The following AP4M1 variants were observed in gnomAD, a reference collection of about 807,000 sequenced individuals.
AP4M1 encodes adaptor related protein complex 4 subunit mu 1.
AP4M1 carries 58 observed loss-of-function variants against 62.4 expected under a neutral mutation model. That is an observed-to-expected ratio of 0.93 (90% CI 0.75 to 1.16). AP4M1 has a LOEUF of 1.16. AP4M1 is among the 50% of genes most tolerant of loss of function. AP4M1 has a pLI of 0.00. For synonymous variants in AP4M1, 290 were observed against 239.7 expected (o/e 1.21, Z -1.94); for missense variants, 626 against 585.4 (o/e 1.07, Z -0.72).
In AP4M1 at chr7:100,102,762, C is replaced by G; in HGVS notation, c.235C>G (p.Leu79Val). Reference protein sequence around the residue: ...TTSENVSPFSLLELLSRLATL... With the variant: ...TTSENVSPFSVLELLSRLATL... ...TTCAGAAAACGTTTCTCCCTTCAGC[C>G]TCCTAGAACTGCTCTCCAGGTGAGG... is the stretch of plus-strand genomic sequence containing the variant. Residue 79 changes from leucine (L) to valine (V), a missense_variant, in exon 3 of 15, where the codon CTC becomes GTC. Leu to Val is a conservative substitution (Grantham distance 32, BLOSUM62 1). Transcript: ENST00000359593. The G allele has an allele frequency of 6.2e-7, 1 of 1,614,102 alleles. No individual in the cohort carries two copies. The highest frequency in any genetic ancestry group is 8.5e-7 in the Non-Finnish European group (1 of 1,179,964).
rs2116667853 is a variant in AP4M1 at position 100,106,235 on chromosome 7, C to G, written c.975-6C>G. On this transcript the variant is annotated splice_polypyrimidine_tract_variant and splice_region_variant and intron_variant, in intron 12 of 14. Coordinates refer to ENST00000359593, the MANE Select transcript of AP4M1 (RefSeq NM_004722.4). ...GGGGCTGACTTTGTTCCCGTCTCCT[C>G]TGTAGCCAAGCCCTCAATGTCAGGC... 7 of 1,614,110 alleles carry G rather than the reference C, an allele frequency of 4.3e-6. No individual in the cohort carries two copies. Among genetic ancestry groups the G allele is most frequent in the Non-Finnish European group, 5.9e-6 (7 of 1,180,016 alleles).
Position 100,105,487 on chromosome 7 carries a change from C to A in AP4M1, c.877C>A (p.Pro293Thr). ...CCAACTCTCCGATGACCTCCCCTCA[C>A]CGCTCCCCTTCCGGCTCTTCCCCTC... ...RYQLSDDLPS[P>T]LPFRLFPSVQ... The change falls in exon 11 of 15, where the codon CCG (proline) becomes ACG (threonine). Residue 293 changes from proline to threonine, a missense_variant. By Grantham distance (38) the Pro-to-Thr change is conservative. Transcript: ENST00000359593. The A allele has an allele frequency of 6.2e-7, 1 of 1,614,098 alleles. No homozygotes were observed. Among genetic ancestry groups the A allele is most frequent in the South Asian group, 1.1e-5 (1 of 91,090 alleles).
At position 100,104,125 on chromosome 7, in the gene AP4M1, G is replaced by A. The variant is rs387906838; in HGVS notation, c.577G>A (p.Glu193Lys). The change falls in exon 7 of 15, where the codon GAG becomes AAG. Residue 193 changes from glutamate (E) to lysine (K), a missense_variant. Physicochemically the swap from Glu to Lys is moderately conservative, Grantham distance 56. Transcript: ENST00000359593. ...GAATGAAGTTTTTTTGGATGTGGTCGAGAGATTGTCTGTACTGATAGCATC... is the reference window on the plus strand; with the variant it reads ...GAATGAAGTTTTTTTGGATGTGGTCAAGAGATTGTCTGTACTGATAGCATC... ...QKNEVFLDVV[E>K]RLSVLIASNG... 14 of 1,613,908 alleles carry A rather than the reference G, an allele frequency of 8.7e-6. No homozygotes were observed. Among genetic ancestry groups the A allele is most frequent in the Non-Finnish European group, 1.1e-5 (13 of 1,180,008 alleles).
chr7:100,104,971 G>A (rs1273461714), intron 8 of AP4M1, 31 bp downstream of exon 8: 3 of 1,614,180 alleles, frequency 1.9e-6, no homozygotes, highest in African/African-American at 1.3e-5. Flanking sequence ...ACCAAGGGTT[G>A]GGGTTAGGGC....
chr7:100,102,994 C>T (rs1441023412), intron 4 of AP4M1, 34 bp downstream of exon 4: 1 of 1,573,326 alleles, frequency 6.4e-7, no homozygotes, highest in African/African-American at 1.4e-5. Flanking sequence ...GTGGCCCCTA[C>T]CCAATTCCCC....
At position 100,101,978 on chromosome 7, in the gene AP4M1, G is replaced by A. The variant is rs1584505112; in HGVS notation, c.147+10G>A. ...GTCCCCGGTTGTCATGGTAACCAGT[G>A]GCGGGAGGCGGGTGAGGAGCGGGGT... On this transcript the variant is annotated intron_variant, in intron 2 of 14. Coordinates refer to ENST00000359593, the MANE Select transcript of AP4M1 (RefSeq NM_004722.4). 6.2e-7 allele frequency: 1 copy of A among 1,612,980 alleles called. No individual in the cohort carries two copies. Among genetic ancestry groups the A allele is most frequent in the Non-Finnish European group, 8.5e-7 (1 of 1,179,860 alleles).
Position 100,108,720 on chromosome 7 carries a change from A to T in AP4M1, c.*1838A>T. On this transcript the variant is annotated 3_prime_UTR_variant, in exon 15 of 15. Transcript: ENST00000359593. ...TGAACTATTAGTGTGTGTACAGAAC[A>T]CTGTGGGCTTTCTCATAAGAAAAGA... 1 of 571,538 alleles carries T rather than the reference A, an allele frequency of 1.7e-6. No individual in the cohort carries two copies. Among genetic ancestry groups the T allele is most frequent in the Non-Finnish European group, 2.9e-6 (1 of 339,890 alleles). 35.4% of individuals were successfully genotyped at this position (571,538 alleles called of 1,614,324 possible). A position where few individuals can be genotyped will look rare whatever the true frequency, so the allele number is the denominator to read the frequency against.
chr7:100,104,172 A>C lies in AP4M1; in HGVS notation c.606+18A>C, dbSNP rs1171440225. The C allele has an allele frequency of 2.5e-6, 4 of 1,609,764 alleles. No individual in the cohort carries two copies. Among genetic ancestry groups the C allele is most frequent in the Non-Finnish European group, 3.4e-6 (4 of 1,176,340 alleles). On this transcript the variant is annotated intron_variant, in intron 7 of 14. Transcript: ENST00000359593. ...CATCTAATGTAAGTTTGAGCTCCCAAACCTGGAGCTGAGGACAGATGGGAC... is the reference window on the plus strand; with the variant it reads ...CATCTAATGTAAGTTTGAGCTCCCACACCTGGAGCTGAGGACAGATGGGAC...
In AP4M1 at chr7:100,108,464, G is replaced by T; in HGVS notation, c.*1582G>T. ...CTGGGAGCAGAGGAGGGGCCCAAGG[G>T]ACCCGAATTCTGCCCGATAGGCGTC... On this transcript the variant is annotated 3_prime_UTR_variant, in exon 15 of 15. Transcript: ENST00000359593. The T allele has an allele frequency of 6.2e-7, 1 of 1,614,044 alleles. No homozygotes were observed. The highest frequency in any genetic ancestry group is 1.1e-5 in the South Asian group (1 of 91,064).
chr7:100,102,831 A>G, intron 3 of AP4M1, 33 bp from the exon 4 acceptor site: 2 of 1,613,362 alleles, frequency 1.2e-6, no homozygotes, highest in East Asian at 2.2e-5. Context: ...GTCTGAGAGG[A>G]GGAGAAAATA....
chr7:100,100,872 C>T (rs919701387), upstream of AP4M1: 3 of 1,040,624 alleles, frequency 2.9e-6, no homozygotes. Flanking sequence ...GGGGCCTACG[C>T]GCGCCTGGGG....
rs570267240 is a variant in AP4M1, at chr7:100,104,863, C to T, written c.607-11C>T. The T allele has an allele frequency of 1.2e-6, 2 of 1,614,074 alleles. No individual in the cohort carries two copies. Among genetic ancestry groups the T allele is most frequent in the East Asian group, 2.2e-5 (1 of 44,884 alleles). On this transcript the variant is annotated splice_polypyrimidine_tract_variant and intron_variant, in intron 7 of 14. Transcript: ENST00000359593. ...AAAAAAGACTCTAACCTTGACGCCCCTGCCTCTCAGGGATCCCTGCTGAAG... is the reference window on the plus strand; with the variant it reads ...AAAAAAGACTCTAACCTTGACGCCCTTGCCTCTCAGGGATCCCTGCTGAAG...
Position 100,105,088 on chromosome 7 carries a change from A to G in AP4M1, c.717A>G (p.Ser239=). Reference sequence around the variant, plus strand: ...CGGAAGAGTTTTGTGTGGGGAAGTCAGAGCTGAGAGGTGAGGAGAAAGTGG... The same window carrying G: ...CGGAAGAGTTTTGTGTGGGGAAGTCGGAGCTGAGAGGTGAGGAGAAAGTGG... ...GLTEEFCVGK[S]ELRGYGPGIR... The change falls in exon 9 of 15, where the codon TCA becomes TCG. Residue 239 remains serine (S), a synonymous_variant. Transcript: ENST00000359593. 1.2e-6 allele frequency: 2 copies of G among 1,614,154 alleles called. No homozygotes were observed. Among genetic ancestry groups the G allele is most frequent in the Non-Finnish European group, 1.7e-6 (2 of 1,180,024 alleles).
Position 100,101,643 on chromosome 7 carries a change from C to G in AP4M1, c.-72C>G. On this transcript the variant is annotated 5_prime_UTR_variant, in exon 1 of 15. Coordinates refer to ENST00000359593, the MANE Select transcript of AP4M1 (RefSeq NM_004722.4). The stretch of plus-strand genomic sequence containing the variant: ...CTTAAAGGGCCAGCGCACACGCGTT[C>G]TTTTGTTCCGGGGCCGCAGGGCGGG... 1 of 1,473,718 alleles carries G rather than the reference C, an allele frequency of 6.8e-7. No homozygotes were observed. The highest frequency in any genetic ancestry group is 1.1e-5 in the South Asian group (1 of 88,000). 91.3% of individuals were successfully genotyped at this position (1,473,718 alleles called of 1,614,324 possible). A position where few individuals can be genotyped will look rare whatever the true frequency, so the allele number is the denominator to read the frequency against.
upstream of AP4M1, chr7:100,101,574 G>T: frequency 2.1e-6 from 2 of 943,686 alleles, no homozygotes; most frequent in Non-Finnish European, 3.4e-6. Flanking sequence ...TGCAGGCGCC[G>T]GGTTTCCCGC....
At position 100,108,435 on chromosome 7, in the gene AP4M1, C is replaced by T; in HGVS notation, c.*1553C>T. ...AGAGCAGCCTGGGCCCGAGCCTTGA[C>T]CACCTGGGAGCAGAGGAGGGGCCCA... is the stretch of plus-strand genomic sequence containing the variant. On this transcript the variant is annotated 3_prime_UTR_variant, in exon 15 of 15. Transcript: ENST00000359593. 3 of 1,613,950 alleles carry T rather than the reference C, an allele frequency of 1.9e-6. No individual in the cohort carries two copies. The highest frequency in any genetic ancestry group is 2.5e-6 in the Non-Finnish European group (3 of 1,179,858).
intron 7 of AP4M1, 116 bp from the exon 8 acceptor site, chr7:100,104,758 G>A: frequency 1.8e-6 from 2 of 1,092,904 alleles, no homozygotes; most frequent in South Asian, 1.2e-5. Context: ...TTGAACCTGG[G>A]AGGTGGAGGT....
At position 100,104,922 on chromosome 7, in the gene AP4M1, T is replaced by C; in HGVS notation, c.655T>C (p.Phe219Leu). ...GCAGGGAGAGATTCGGCTCAAGAGC[T>C]TCCTTCCTAGCGGCTCTGGTGAGGC... Reference protein sequence around the residue: ...DVQGEIRLKSFLPSGSEMRIG... With the variant: ...DVQGEIRLKSLLPSGSEMRIG... Residue 219 changes from phenylalanine to leucine, a missense_variant, in exon 8 of 15, where the codon TTC becomes CTC. Phe to Leu is a conservative substitution (Grantham distance 22). Transcript: ENST00000359593. The C allele has an allele frequency of 3.1e-6, 5 of 1,614,160 alleles. No homozygotes were observed. Among genetic ancestry groups the C allele is most frequent in the Non-Finnish European group, 4.2e-6 (5 of 1,180,022 alleles).
rs571918539 is a variant in AP4M1, at chr7:100,108,290, G to A, written c.*1408G>A. On this transcript the variant is annotated 3_prime_UTR_variant, in exon 15 of 15. Transcript: ENST00000359593. Reference sequence around the variant, plus strand: ...AGACTACTGACTGAGGGCACATGTGGCTGTGTGCAAGTGCCTGTCCCACAC... The same window carrying A: ...AGACTACTGACTGAGGGCACATGTGACTGTGTGCAAGTGCCTGTCCCACAC... 4 of 1,504,082 alleles carry A rather than the reference G, an allele frequency of 2.7e-6. No homozygotes were observed. The highest frequency in any genetic ancestry group is 1.4e-5 in the African/African-American group (1 of 72,482). 93.2% of individuals were successfully genotyped at this position (1,504,082 alleles called of 1,614,324 possible).
Sources: gnomAD v4.1 joint callset for allele counts on GRCh38, gnomAD v4.1.1 for gene constraint, MANE v1.5 for transcripts, NCBI Gene and HGNC (gene_info 2026-07-23, HGNC 2026-07-21) for gene names.